Variants in NAALADL2 observed in about 807,000 individuals in gnomAD.
NAALADL2 encodes the protein inactive N-acetylated-alpha-linked acidic dipeptidase-like protein 2.
NAALADL2 carries 76 observed loss-of-function variants against 87.2 expected under a neutral mutation model. The ratio of observed to expected loss-of-function variants is 0.87; its 90% CI spans 0.72 to 1.05. The LOEUF (loss-of-function observed/expected upper bound fraction) is 1.05, where lower values mean the gene tolerates loss of function less well. Ranked by LOEUF, NAALADL2 falls within the 50% of genes least tolerant of loss-of-function variation. The pLI is 0.00. For missense variants in NAALADL2, 1,089 were observed against 945.8 expected, an observed-to-expected ratio of 1.15 and a Z score of -1.99; for synonymous variants, 354 against 331.0, an observed-to-expected ratio of 1.07 and a Z score of -0.75.
At chr3:174,943,564 T>C (rs1738943262) in intron 1 of NAALADL2, among the ~76,000 whole-genome samples, 1 of 152,224 alleles carries the variant, frequency 6.6e-6, no homozygotes, top group South Asian at 2.1e-4. Flanking sequence ...CCCAACTTTG[T>C]GGCAGCAGAC....
At chr3:174,596,983 T>C (rs1032591201) in intron 2 of NAALADL2, among the ~76,000 whole-genome samples, 4 of 152,184 alleles carry the variant, frequency 2.6e-5, no homozygotes, top group Non-Finnish European at 5.9e-5. Flanking sequence ...GTTCAGACCT[T>C]CTTTGTCTCT....
At chr3:175,075,287 G>T (rs73037205) in intron 1 of NAALADL2, among the ~76,000 whole-genome samples, 25,143 of 151,974 alleles carry the variant, frequency 0.17, 2,916 homozygotes, top group African/African-American at 0.32. Flanking sequence ...GAATTTTTAT[G>T]TTATACTTAT....
chr3:174,677,999 G>A (rs1380151322), intron 2 of NAALADL2, among the ~76,000 whole-genome samples: 1 of 152,084 alleles, frequency 6.6e-6, no homozygotes, highest in African/African-American at 2.4e-5. Context: ...GCCTCAACTG[G>A]GCTTGTGGGA....
At chr3:175,111,060 T>C (rs1560040920) in intron 2 of NAALADL2, among the ~76,000 whole-genome samples, 1 of 151,638 alleles carries the variant, frequency 6.6e-6, no homozygotes, top group Admixed American at 6.6e-5. Context: ...TGTAAGCTAA[T>C]GGGAGAAAGA....
At chr3:175,487,819 T>C (rs1727522597) in intron 9 of NAALADL2, among the ~76,000 whole-genome samples, 1 of 152,196 alleles carries the variant, frequency 6.6e-6, no homozygotes, top group South Asian at 2.1e-4. Context: ...AATCCAGATA[T>C]GGTAAGTAAC....
intron 9 of NAALADL2, among the ~76,000 whole-genome samples, chr3:175,538,318 C>T (rs1284498943): frequency 1.3e-5 from 2 of 151,218 alleles, no homozygotes; most frequent in Non-Finnish European, 2.9e-5. Flanking sequence ...TTAAGAAAAC[C>T]TAAAACAGGG....
chr3:175,540,899 T>C (rs1712201117), intron 9 of NAALADL2, among the ~76,000 whole-genome samples: 1 of 152,184 alleles, frequency 6.6e-6, no homozygotes, highest in Admixed American at 6.5e-5. Flanking sequence ...AAAGAAAATT[T>C]ACCTCAAAGC....
chr3:174,500,689 T>C (rs574000841), intron 1 of NAALADL2, among the ~76,000 whole-genome samples: 2 of 152,190 alleles, frequency 1.3e-5, no homozygotes, highest in Non-Finnish European at 2.9e-5. Flanking sequence ...GGATATGGGA[T>C]TTTGTAAACA....
chr3:175,171,942 T>C (rs886296017), intron 2 of NAALADL2, among the ~76,000 whole-genome samples: 3 of 152,062 alleles, frequency 2.0e-5, no homozygotes, highest in Non-Finnish European at 2.9e-5. Context: ...TAAAGAGAGG[T>C]TGGTCAAAGG....
intron 5 of NAALADL2, among the ~76,000 whole-genome samples, chr3:175,392,667 G>T (rs958609917): frequency 1.4e-4 from 21 of 152,008 alleles, no homozygotes; most frequent in Admixed American, 4.6e-4. Context: ...TCCTAAAACG[G>T]TGCACCTGCA....
In NAALADL2 at chr3:175,160,000, C is replaced by CTTTTTTTTTT. The variant is rs58734561; in HGVS notation, c.545+62712_545+62721dup. 1.2e-3 allele frequency among the ~76,000 whole-genome samples: 163 copies of CTTTTTTTTTT among 134,086 alleles called. 4 individuals are homozygous for CTTTTTTTTTT. The highest frequency in any genetic ancestry group is 2.7e-3 in the South Asian group (11 of 4,052). The allele number at this position is 134,086 out of a possible 152,430, so 88.0% of individuals were successfully genotyped here. A position where few individuals can be genotyped will look rare whatever the true frequency, so the allele number is the denominator to read the frequency against. Reference sequence around the variant, plus strand: ...TACAGGCGTGTGCTACCACTCGTGACTTTTTTTTTTTTACTTTTAGTAGAG... The same window carrying CTTTTTTTTTT: ...TACAGGCGTGTGCTACCACTCGTGACTTTTTTTTTTTTTTTTTTTTTTACTTTTAGTAGAG... On this transcript the variant is annotated intron_variant, in intron 2 of 13. Coordinates refer to ENST00000454872, the MANE Select transcript of NAALADL2 (RefSeq NM_207015.3).
At chr3:175,349,933 T>C (rs1383628802) in intron 5 of NAALADL2, among the ~76,000 whole-genome samples, 2 of 151,986 alleles carry the variant, frequency 1.3e-5, no homozygotes, top group East Asian at 3.9e-4. Context: ...TATTCTACTC[T>C]CAGAAAGACA....
At chr3:175,334,749 G>T (rs574285059) in intron 5 of NAALADL2, among the ~76,000 whole-genome samples, 1 of 152,260 alleles carries the variant, frequency 6.6e-6, no homozygotes, top group East Asian at 1.9e-4. Flanking sequence ...GTTTGCAAGG[G>T]TTTTATTAAT....
rs1232758766 is a variant in NAALADL2 at position 174,668,668 on chromosome 3, A to G, written c.-114-68973A>G. Among the ~76,000 whole-genome samples the G allele has an allele frequency of 2.6e-5, 4 of 152,000 alleles. No individual in the cohort carries two copies. In the South Asian group the frequency reaches 8.3e-4, roughly 32 times the overall value. On this transcript the variant is annotated intron_variant, in intron 2 of 3. Coordinates refer to the NAALADL2 transcript ENST00000434257. ...TTCCCACCTATGAGTGAGAACATGC[A>G]GTGTTTGGTTTTCTGTCCCTGCAAT...
chr3:174,988,965 C>A (rs1310260947), intron 1 of NAALADL2, among the ~76,000 whole-genome samples: 1 of 152,158 alleles, frequency 6.6e-6, no homozygotes, highest in African/African-American at 2.4e-5. Flanking sequence ...GCACTTGCAT[C>A]TGCGTCTAGT....
rs551813040 is a variant in NAALADL2 at position 175,387,589 on chromosome 3, T to C, written c.1091-59640T>C. ...TTAGTGATGCTAAGGTGATTCAAAA[T>C]GTTAAACCAAAACCATGTGTACAGT... is the stretch of plus-strand genomic sequence containing the variant. On this transcript the variant is annotated intron_variant, in intron 5 of 13. Transcript: ENST00000454872. Among the ~76,000 whole-genome samples the C allele has an allele frequency of 1.8e-4, 28 of 152,158 alleles. 1 individual carries two copies. In the East Asian group the frequency reaches 5.0e-3, roughly 27 times the overall value.
At chr3:175,679,765 T>G (rs186129445) in intron 11 of NAALADL2, among the ~76,000 whole-genome samples, 1 of 152,332 alleles carries the variant, frequency 6.6e-6, no homozygotes, top group Admixed American at 6.5e-5. Context: ...GAAAGAAGGC[T>G]ATATTTGCTA....
intron 3 of NAALADL2, among the ~76,000 whole-genome samples, chr3:174,783,661 CT>C (rs1716268419): frequency 6.6e-6 from 1 of 152,020 alleles, no homozygotes; most frequent in Non-Finnish European, 1.5e-5. Flanking sequence ...AGTGCCACAG[CT>C]TTCCTGTTTA....
chr3:174,595,739 G>A (rs537343604), intron 2 of NAALADL2, among the ~76,000 whole-genome samples: 40 of 152,260 alleles, frequency 2.6e-4, no homozygotes, highest in Admixed American at 2.6e-4. Context: ...GGCTGGGTGC[G>A]GTGGCTCATG....
Sources: gnomAD v4.1 joint callset for allele counts (sites outside exome capture counted in the v4.1 genomes callset) on GRCh38, gnomAD v4.1.1 for gene constraint, MANE v1.5 for transcripts, NCBI Gene and HGNC (gene_info 2026-07-23, HGNC 2026-07-21) for gene names.